The following NRXN3 variants were observed in gnomAD, a reference collection of about 807,000 sequenced individuals.
NRXN3 encodes neurexin 3.
Under a neutral mutation model 137.6 loss-of-function variants are expected in NRXN3, and 32 were observed. That is an observed-to-expected ratio of 0.23 (90% confidence interval 0.18 to 0.31). The LOEUF (loss-of-function observed/expected upper bound fraction) is 0.31. Ranked by LOEUF, NRXN3 falls within the 10% of genes least tolerant of loss-of-function variation. The pLI, the probability that NRXN3 is intolerant of heterozygous loss-of-function variation, is 1.00. For synonymous variants in NRXN3, 798 were observed against 784.5 expected, an observed-to-expected ratio of 1.02 and a Z score of -0.29; for missense variants, 1,574 against 2,062.5, an observed-to-expected ratio of 0.76 and a Z score of 4.59.
chr14:78,763,029 G>T (rs2098697648), intron 8 of NRXN3, among the ~76,000 whole-genome samples: 1 of 152,192 alleles, frequency 6.6e-6, no homozygotes, highest in African/African-American at 2.4e-5. Context: ...GTTGGCAATG[G>T]CGGGAGTGCT....
At chr14:79,368,243 G>C (rs1338963673) in intron 15 of NRXN3, among the ~76,000 whole-genome samples, 1 of 152,160 alleles carries the variant, frequency 6.6e-6, no homozygotes, top group Non-Finnish European at 1.5e-5. Context: ...TATGGAATGA[G>C]AATATATGAA....
chr14:78,282,973 C>A (rs557842336), intron 3 of NRXN3: 103 of 152,342 alleles, frequency 6.8e-4, no homozygotes, highest in African/African-American at 2.3e-3. Flanking sequence ...TAGGTGTATA[C>A]TCATTAAAGT....
At chr14:78,892,774 C>CTGTGTGAGTG (rs2099162794) in intron 10 of NRXN3, among the ~76,000 whole-genome samples, 1 of 140,068 alleles carries the variant, frequency 7.1e-6, no homozygotes, top group Non-Finnish European at 1.6e-5. Context: ...CCCCCATCTT[C>CTGTGTGAGTG]TGTGTGTGTG....
intron 4 of NRXN3, among the ~76,000 whole-genome samples, chr14:78,341,170 G>T (rs2082105975): frequency 6.6e-6 from 1 of 152,130 alleles, no homozygotes; most frequent in Non-Finnish European, 1.5e-5. Context: ...TCTCATGAGG[G>T]CATAAGTGGG....
At chr14:79,384,103 C>A (rs528214567) in intron 15 of NRXN3, among the ~76,000 whole-genome samples, 2 of 152,192 alleles carry the variant, frequency 1.3e-5, no homozygotes, top group Non-Finnish European at 2.9e-5. Context: ...GCACCTCCCC[C>A]ACTCCCACTT....
chr14:79,574,101 A>C (rs1053400596), intron 16 of NRXN3, among the ~76,000 whole-genome samples: 1 of 152,108 alleles, frequency 6.6e-6, no homozygotes, highest in Non-Finnish European at 1.5e-5. Flanking sequence ...GACCTAAAGG[A>C]GTATAACCGA....
At chr14:78,796,177 G>C (rs756007162) in intron 8 of NRXN3, among the ~76,000 whole-genome samples, 1 of 152,174 alleles carries the variant, frequency 6.6e-6, no homozygotes, top group African/African-American at 2.4e-5. Context: ...AATTGTGGCA[G>C]ACCAATAATA....
At chr14:78,316,813 T>C (rs2078759682) in intron 4 of NRXN3, among the ~76,000 whole-genome samples, 1 of 152,206 alleles carries the variant, frequency 6.6e-6, no homozygotes, top group South Asian at 2.1e-4. Flanking sequence ...TGGCTTGACT[T>C]TCTTGGTGTT....
intron 20 of NRXN3, among the ~76,000 whole-genome samples, chr14:79,828,671 A>G: frequency 7.4e-6 from 1 of 135,656 alleles, no homozygotes; most frequent in South Asian, 2.4e-4. Context: ...TTTTTTGCGT[A>G]CCAAATCCTA....
chr14:78,928,915 A>G (rs1022489064), intron 10 of NRXN3, among the ~76,000 whole-genome samples: 7 of 152,190 alleles, frequency 4.6e-5, no homozygotes, highest in Non-Finnish European at 7.3e-5. Flanking sequence ...ACTCCCACCA[A>G]CAGTGTAAAA....
chr14:79,838,005 TACC>T (rs2099347870), intron 20 of NRXN3, among the ~76,000 whole-genome samples: 2 of 152,214 alleles, frequency 1.3e-5, no homozygotes, highest in African/African-American at 4.8e-5. Flanking sequence ...CAAAAAATTC[TACC>T]TAGTAATCCA....
At chr14:79,250,345 A>G (rs562472718) in intron 15 of NRXN3, among the ~76,000 whole-genome samples, 2 of 152,152 alleles carry the variant, frequency 1.3e-5, no homozygotes, top group Non-Finnish European at 2.9e-5. Flanking sequence ...AAGATAGAGA[A>G]AATGTGAACA....
intron 15 of NRXN3, among the ~76,000 whole-genome samples, chr14:79,294,832 C>T (rs2083778611): frequency 6.6e-6 from 1 of 152,190 alleles, no homozygotes; most frequent in Non-Finnish European, 1.5e-5. Flanking sequence ...GCTTTGTCCC[C>T]AAAGGCTTAC....
intron 15 of NRXN3, among the ~76,000 whole-genome samples, chr14:79,327,131 G>A (rs907464408): frequency 6.6e-6 from 1 of 152,006 alleles, no homozygotes; most frequent in African/African-American, 2.4e-5. Flanking sequence ...GACAGCTCAG[G>A]GAAAGTAGGC....
intron 15 of NRXN3, among the ~76,000 whole-genome samples, chr14:79,412,731 C>T (rs1018889117): frequency 1.5e-5 from 2 of 132,368 alleles, no homozygotes; most frequent in African/African-American, 2.8e-5. Flanking sequence ...TGTAATGAGC[C>T]GAGATCACAC....
At chr14:78,624,539 A>T (rs1324905492) in intron 4 of NRXN3, among the ~76,000 whole-genome samples, 1 of 152,246 alleles carries the variant, frequency 6.6e-6, no homozygotes, top group Non-Finnish European at 1.5e-5. Context: ...GATCCTGCAC[A>T]GTGGGAACAT....
chr14:79,013,267 A>T (rs1176714967), intron 15 of NRXN3, among the ~76,000 whole-genome samples: 3 of 152,192 alleles, frequency 2.0e-5, no homozygotes, highest in Non-Finnish European at 4.4e-5. Context: ...CATGAATATA[A>T]TAATGACTTA....
At chr14:79,591,707 G>GT (rs931202995) in intron 16 of NRXN3, among the ~76,000 whole-genome samples, 8 of 152,134 alleles carry the variant, frequency 5.3e-5, no homozygotes, top group African/African-American at 1.7e-4. Context: ...CTTTCTAGGT[G>GT]TTTAAATTCT....
chr14:78,296,536 T>G (rs549701621), intron 3 of NRXN3, among the ~76,000 whole-genome samples: 1 of 152,330 alleles, frequency 6.6e-6, no homozygotes, highest in East Asian at 1.9e-4. Flanking sequence ...AATGAATTTT[T>G]TGAACAAAAC....
Sources: gnomAD v4.1 joint callset for allele counts (sites outside exome capture counted in the v4.1 genomes callset) on GRCh38, gnomAD v4.1.1 for gene constraint, MANE v1.5 for transcripts, NCBI Gene and HGNC (gene_info 2026-07-23, HGNC 2026-07-21) for gene names.